Variants in CACNA1A observed in about 807,000 individuals in gnomAD.
CACNA1A encodes the protein voltage-dependent P/Q-type calcium channel subunit alpha-1A.
In CACNA1A, 57 loss-of-function variants were observed where a neutral mutation model predicts 262.4. The ratio of observed to expected loss-of-function variants is 0.22; its 90% confidence interval spans 0.18 to 0.27. CACNA1A has a LOEUF of 0.27. Among genes scored for constraint, CACNA1A ranks in the 10% least tolerant of loss-of-function variants. CACNA1A has a pLI of 1.00. For missense variants in CACNA1A, 2,526 were observed against 3,562.8 expected (o/e 0.71, Z 7.41); for synonymous variants, 1,431 against 1,419.3 (o/e 1.01, Z -0.18).
chr19:13,230,300 A>G (rs2055618467), intron 35 of CACNA1A, 91 bp from the exon 36 acceptor site: 2 of 1,423,210 alleles, frequency 1.4e-6, no homozygotes, highest in Middle Eastern at 1.8e-4. Flanking sequence ...ACAGACGGAC[A>G]GACAGACCCA....
At chr19:13,276,132 G>A (rs2057142654) in intron 23 of CACNA1A, among the ~76,000 whole-genome samples, 176 bp from the exon 24 acceptor site, 1 of 152,170 alleles carries the variant, frequency 6.6e-6, no homozygotes, top group Non-Finnish European at 1.5e-5. Context: ...CCTGCCCCAT[G>A]AGGCGGCCCC....
intron 12 of CACNA1A, among the ~76,000 whole-genome samples, chr19:13,310,326 AT>A (rs1375895976): frequency 6.7e-6 from 1 of 149,840 alleles, no homozygotes; most frequent in Non-Finnish European, 1.5e-5. Flanking sequence ...GTGGTGGTGC[AT>A]GCCTCTAATC....
chr19:13,417,557 C>T (rs187106991), intron 3 of CACNA1A, among the ~76,000 whole-genome samples: 1 of 152,082 alleles, frequency 6.6e-6, no homozygotes, highest in Non-Finnish European at 1.5e-5. Flanking sequence ...ATGAACTGGC[C>T]TGGGCTTCTG....
intron 3 of CACNA1A, among the ~76,000 whole-genome samples, chr19:13,434,601 C>T (rs912507547): frequency 6.6e-6 from 1 of 152,008 alleles, no homozygotes; most frequent in Non-Finnish European, 1.5e-5. Context: ...CACTCTCTCT[C>T]TTCCTCCTGT....
At chr19:13,413,895 A>AAAGAAAGAAAGAAAGAAAGAAAGAAAG (rs2060168175) in intron 3 of CACNA1A, among the ~76,000 whole-genome samples, 3 of 119,222 alleles carry the variant, frequency 2.5e-5, no homozygotes, top group African/African-American at 8.1e-5. Context: ...GAAAGAAAGA[A>AAAGAAAGAAAGAAAGAAAGAAAGAAAG]AAAGAAAGAA....
At chr19:13,467,771 A>AT (rs1278333802) in intron 1 of CACNA1A, among the ~76,000 whole-genome samples, 2 of 151,540 alleles carry the variant, frequency 1.3e-5, no homozygotes, top group African/African-American at 2.4e-5. Flanking sequence ...TGCCCAGCTA[A>AT]TTTTTTTATT....
chr19:13,455,166 C>T lies in CACNA1A; in HGVS notation c.340G>A (p.Val114Ile). ...ILATIIANCI[V>I]LALEQHLPDD... Reference sequence around the variant, plus strand: ...GGCAGATGCTGCTCCAGTGCGAGGACGATGCAATTCGCTATGATGGTGGCT... The same window carrying T: ...GGCAGATGCTGCTCCAGTGCGAGGATGATGCAATTCGCTATGATGGTGGCT... The change falls in exon 2 of 47, where the codon GTC becomes ATC. Residue 114 changes from valine to isoleucine, a missense_variant. Physicochemically the swap from Val to Ile is conservative, Grantham distance 29. Coordinates refer to ENST00000360228, the MANE Select transcript of CACNA1A (RefSeq NM_001127222.2). The T allele has an allele frequency of 6.2e-7, 1 of 1,612,342 alleles. No homozygotes were observed. The highest frequency in any genetic ancestry group is 1.7e-5 in the Admixed American group (1 of 59,992).
chr19:13,223,540 C>T (rs1393787019), intron 38 of CACNA1A, among the ~76,000 whole-genome samples: 3 of 152,170 alleles, frequency 2.0e-5, no homozygotes, highest in African/African-American at 7.2e-5. Flanking sequence ...ATATCAGCAG[C>T]CCCCACACTG....
rs758320568 is a variant in CACNA1A, at chr19:13,207,541, G to A, written c.7293C>T (p.Ala2431=). 1.3e-5 allele frequency: 19 copies of A among 1,449,656 alleles called. No homozygotes were observed. In the East Asian group the frequency reaches 4.7e-4, roughly 36 times the overall value. The allele number at this position is 1,449,656 out of a possible 1,614,324, so 89.8% of individuals were successfully genotyped here. A position where few individuals can be genotyped will look rare whatever the true frequency, so the allele number is the denominator to read the frequency against. ...PGSGGGEEAM[A]GAYDAPPPVR... ...CGGGGGGTGGCGCGTCGTAGGCCCC[G>A]GCCATGGCCTCCTCGCCGCCCCCGC... Residue 2431 remains alanine, a synonymous_variant, in exon 47 of 47, where the codon GCC becomes GCT. Coordinates refer to ENST00000360228, the MANE Select transcript of CACNA1A (RefSeq NM_001127222.2). The surrounding 1 kb of genome is among the most constrained non-coding windows in gnomAD (Gnocchi z 5.7).
At chr19:13,353,473 T>G (rs924657013) in intron 6 of CACNA1A, among the ~76,000 whole-genome samples, 3 of 152,200 alleles carry the variant, frequency 2.0e-5, no homozygotes, top group African/African-American at 7.2e-5. Context: ...CCCTGTATCC[T>G]TAATATTCTC....
intron 3 of CACNA1A, among the ~76,000 whole-genome samples, chr19:13,421,015 G>C (rs1431094010): frequency 6.6e-6 from 1 of 152,192 alleles, no homozygotes; most frequent in Non-Finnish European, 1.5e-5. Context: ...GTTTCCATCA[G>C]TGATATGTCA....
At chr19:13,343,925 C>T (rs4926274) in intron 6 of CACNA1A, among the ~76,000 whole-genome samples, 119,009 of 152,158 alleles carry the variant, frequency 0.78, 46,809 homozygotes, top group East Asian at 1. Flanking sequence ...TCACAAAAAA[C>T]AGAGGCCAGA....
At chr19:13,431,755 C>T (rs914151015) in intron 3 of CACNA1A, among the ~76,000 whole-genome samples, 9 of 152,116 alleles carry the variant, frequency 5.9e-5, no homozygotes, top group African/African-American at 1.9e-4. Flanking sequence ...GGACATTATA[C>T]TAAGATGAAA....
intron 1 of CACNA1A, among the ~76,000 whole-genome samples, chr19:13,476,265 C>T (rs1978520792): frequency 1.3e-5 from 2 of 152,274 alleles, no homozygotes; most frequent in Non-Finnish European, 1.5e-5. Context: ...ATCCCTAACC[C>T]AAGCCAGACT....
Position 13,207,180 on chromosome 19 carries a change from A to T in CACNA1A, c.*133T>A. On this transcript the variant is annotated 3_prime_UTR_variant, in exon 47 of 47. Transcript: ENST00000360228. This position sits in a 1 kb window ranked among gnomAD's most constrained non-coding sequence, Gnocchi z 5.7. ...CTTGTGGCCCAGCCCTGGCCTCTCC[A>T]GAGTCTGGGGTCTCCCGGCTGGCCC... 1 of 1,006,100 alleles carries T rather than the reference A, an allele frequency of 9.9e-7. No individual in the cohort carries two copies. Among genetic ancestry groups the T allele is most frequent in the Non-Finnish European group, 1.4e-6 (1 of 738,282 alleles). The allele number at this position is 1,006,100 out of a possible 1,614,324, so 62.3% of individuals were successfully genotyped here. A position where few individuals can be genotyped will look rare whatever the true frequency, so the allele number is the denominator to read the frequency against.
At position 13,212,310 on chromosome 19, in the gene CACNA1A, T is replaced by TGG. The variant is rs1600089066; in HGVS notation, c.6189+72_6189+73dup. ...GGAGGGAGCTGCAGGTGTGTGTGTGTGGGGGGCCCAGATCCCTTCCACCTG... is the reference window on the plus strand; with the variant it reads ...GGAGGGAGCTGCAGGTGTGTGTGTGTGGGGGGGGCCCAGATCCCTTCCACCTG... On this transcript the variant is annotated intron_variant, in intron 42 of 46. Coordinates refer to ENST00000360228, the MANE Select transcript of CACNA1A (RefSeq NM_001127222.2). The surrounding 1 kb of genome is among the most constrained non-coding windows in gnomAD (Gnocchi z 5.6). 31 of 1,550,572 alleles carry TGG rather than the reference T, an allele frequency of 2.0e-5. No individual in the cohort carries two copies. Among genetic ancestry groups the TGG allele is most frequent in the East Asian group, 4.5e-5 (2 of 44,344 alleles).
At chr19:13,485,741 C>T (rs1430443913) in intron 1 of CACNA1A, among the ~76,000 whole-genome samples, 1 of 152,118 alleles carries the variant, frequency 6.6e-6, no homozygotes, top group Non-Finnish European at 1.5e-5. Flanking sequence ...TGTGAAGCAT[C>T]TTGAATGCTC....
intron 27 of CACNA1A, 38 bp from the exon 28 acceptor site, chr19:13,257,589 A>T (rs1258899867): frequency 1.4e-6 from 2 of 1,458,256 alleles, no homozygotes; most frequent in Admixed American, 2.0e-5. Flanking sequence ...AGGGGCAGGA[A>T]GGAGAGAGAC....
chr19:13,445,990 T>A (rs115366364), intron 3 of CACNA1A, among the ~76,000 whole-genome samples: 3,511 of 152,230 alleles, frequency 0.023, 132 homozygotes, highest in African/African-American at 0.079. Flanking sequence ...AAAGTACTCA[T>A]TAGGCCGGGC....
Sources: gnomAD v4.1 joint callset for allele counts (sites outside exome capture counted in the v4.1 genomes callset) on GRCh38, gnomAD v4.1.1 for gene constraint, Gnocchi (gnomAD v3.1) non-coding constraint, MANE v1.5 for transcripts, NCBI Gene and HGNC (gene_info 2026-07-23, HGNC 2026-07-21) for gene names.